The following PLCXD3 variants were observed in gnomAD, a reference collection of about 807,000 sequenced individuals.
PLCXD3 encodes the protein PI-PLC X domain-containing protein 3.
Under a neutral mutation model 25.5 loss-of-function variants are expected in PLCXD3, and 19 were observed. The observed-to-expected ratio is 0.75, with a 90% CI of 0.52 to 1.09. PLCXD3 has a LOEUF of 1.09. PLCXD3 is among the 50% of genes least tolerant of loss of function. The probability of loss-of-function intolerance (pLI) is 0.00; values close to 1 mark genes in which losing one functional copy is unlikely to be tolerated. For synonymous variants in PLCXD3, 174 were observed against 137.6 expected (o/e 1.26, Z -1.85); for missense variants, 411 against 388.1 (o/e 1.06, Z -0.50).
intron 1 of PLCXD3, among the ~76,000 whole-genome samples, chr5:41,440,215 A>ATTT (rs70988846): frequency 0.025 from 1,007 of 41,036 alleles, 244 homozygotes; most frequent in Middle Eastern, 0.033. Flanking sequence ...TAATCTCTCA[A>ATTT]TTTTTTTTTT....
At chr5:41,346,483 G>T (rs937463850) in intron 2 of PLCXD3, among the ~76,000 whole-genome samples, 7 of 151,990 alleles carry the variant, frequency 4.6e-5, no homozygotes, top group African/African-American at 1.5e-4. Flanking sequence ...CTGTCTACCT[G>T]TTCACCCACC....
At chr5:41,394,357 G>GA (rs1263446154) in intron 1 of PLCXD3, among the ~76,000 whole-genome samples, 2 of 151,740 alleles carry the variant, frequency 1.3e-5, no homozygotes, top group African/African-American at 4.8e-5. Flanking sequence ...CATATCATCA[G>GA]AAAAAAATCA....
intron 2 of PLCXD3, among the ~76,000 whole-genome samples, chr5:41,370,037 A>T (rs540731174): frequency 1.1e-4 from 16 of 152,318 alleles, no homozygotes; most frequent in African/African-American, 3.8e-4. Flanking sequence ...AGGATGTCAC[A>T]GCCCCAGAAA....
chr5:41,414,960 A>G (rs1746659605), intron 1 of PLCXD3, among the ~76,000 whole-genome samples: 1 of 152,224 alleles, frequency 6.6e-6, no homozygotes, highest in African/African-American at 2.4e-5. Flanking sequence ...GTATATTGTT[A>G]TAATTGTTCC....
chr5:41,340,843 T>C (rs535819800), intron 2 of PLCXD3, among the ~76,000 whole-genome samples: 1 of 152,312 alleles, frequency 6.6e-6, no homozygotes, highest in East Asian at 1.9e-4. Flanking sequence ...GTGGAAGTTA[T>C]TTGAAAATAT....
intron 1 of PLCXD3, among the ~76,000 whole-genome samples, chr5:41,386,330 C>T (rs972469953): frequency 2.6e-5 from 4 of 152,022 alleles, no homozygotes; most frequent in Admixed American, 1.3e-4. Context: ...ATCATCTGGC[C>T]TAACCAAATG....
intron 1 of PLCXD3, among the ~76,000 whole-genome samples, chr5:41,440,970 G>A (rs902009819): frequency 1.3e-5 from 2 of 152,204 alleles, no homozygotes; most frequent in African/African-American, 4.8e-5. Context: ...GAAAGTTAGT[G>A]TATAATGCAG....
chr5:41,317,608 G>A (rs1400267377), intron 2 of PLCXD3, among the ~76,000 whole-genome samples: 1 of 151,808 alleles, frequency 6.6e-6, no homozygotes. Flanking sequence ...AACTCAAATA[G>A]GTTCAAGACA....
chr5:41,331,558 C>T (rs1180233639), intron 2 of PLCXD3, among the ~76,000 whole-genome samples: 1 of 152,146 alleles, frequency 6.6e-6, no homozygotes, highest in Non-Finnish European at 1.5e-5. Context: ...CATCAAGCTA[C>T]CAATGACTTT....
Position 41,456,031 on chromosome 5 carries a change from TA to T in PLCXD3, c.103+54392del, listed in dbSNP as rs376245258. Among the ~76,000 whole-genome samples, 1,309 of 150,284 alleles carry T rather than the reference TA, an allele frequency of 8.7e-3. 22 individuals carry two copies. The highest frequency in any genetic ancestry group is 0.03 in the African/African-American group (1,237 of 41,030). ...GTACAGTGATAGATGGAGTCTGGAG[TA>T]AAAAAAAATAGGGGTCAAAATTCTA... On this transcript the variant is annotated intron_variant, in intron 1 of 2. Coordinates refer to ENST00000377801, the MANE Select transcript of PLCXD3 (RefSeq NM_001005473.3).
At chr5:41,456,890 A>C (rs983475648) in intron 1 of PLCXD3, among the ~76,000 whole-genome samples, 2 of 151,936 alleles carry the variant, frequency 1.3e-5, no homozygotes, top group African/African-American at 4.8e-5. Context: ...GTTGTTTAAA[A>C]GCCACTCAGT....
chr5:41,359,573 C>T (rs1044064428), intron 2 of PLCXD3, among the ~76,000 whole-genome samples: 4 of 152,140 alleles, frequency 2.6e-5, no homozygotes, highest in Admixed American at 2.6e-4. Context: ...TGCAATATCT[C>T]CCATTTCATT....
chr5:41,484,808 C>T (rs560099339), intron 1 of PLCXD3, among the ~76,000 whole-genome samples: 2 of 152,176 alleles, frequency 1.3e-5, no homozygotes, highest in African/African-American at 4.8e-5. Flanking sequence ...GTTCTTAATC[C>T]AATAGCCTTG....
At chr5:41,430,785 A>T (rs563464615) in intron 1 of PLCXD3, among the ~76,000 whole-genome samples, 2 of 152,260 alleles carry the variant, frequency 1.3e-5, no homozygotes, top group Non-Finnish European at 2.9e-5. Flanking sequence ...GGGAAATAAA[A>T]CTTTTACATT....
intron 1 of PLCXD3, among the ~76,000 whole-genome samples, chr5:41,432,181 T>C (rs1747127198): frequency 6.6e-6 from 1 of 152,212 alleles, no homozygotes; most frequent in Non-Finnish European, 1.5e-5. Flanking sequence ...CCAGGATAAA[T>C]TACGACTTAA....
chr5:41,349,925 ATT>A (rs199678160), intron 2 of PLCXD3, among the ~76,000 whole-genome samples: 17 of 144,400 alleles, frequency 1.2e-4, no homozygotes, highest in Admixed American at 4.1e-4. Flanking sequence ...GCAGGATTGG[ATT>A]TTTTTTTTTT....
At chr5:41,466,686 A>G (rs1018820272) in intron 1 of PLCXD3, among the ~76,000 whole-genome samples, 4 of 151,892 alleles carry the variant, frequency 2.6e-5, no homozygotes, top group African/African-American at 9.7e-5. Flanking sequence ...AACAACTCCC[A>G]TTCCCTCACT....
At chr5:41,435,391 C>A (rs200055342) in intron 1 of PLCXD3, among the ~76,000 whole-genome samples, 2 of 152,182 alleles carry the variant, frequency 1.3e-5, no homozygotes, top group Non-Finnish European at 2.9e-5. Flanking sequence ...AAAAGTCAAC[C>A]TGCCCTTGAA....
At chr5:41,400,737 CA>C (rs905206471) in intron 1 of PLCXD3, among the ~76,000 whole-genome samples, 5 of 151,720 alleles carry the variant, frequency 3.3e-5, no homozygotes, top group East Asian at 1.9e-4. Flanking sequence ...TTAATGGGTA[CA>C]AAAAAACTAG....
Sources: allele counts gnomAD v4.1 joint callset (sites outside exome capture counted in the v4.1 genomes callset), GRCh38; gene constraint gnomAD v4.1.1; transcripts MANE v1.5; gene names NCBI Gene and HGNC (gene_info 2026-07-23, HGNC 2026-07-21).